Variants in OPCML observed in about 807,000 individuals in gnomAD.
The protein encoded by OPCML is opioid-binding protein/cell adhesion molecule.
OPCML carries 13 observed loss-of-function variants against 37.8 expected under a neutral mutation model. The observed-to-expected ratio is 0.34, with a 90% CI of 0.22 to 0.55. The LOEUF (loss-of-function observed/expected upper bound fraction) is 0.55, where lower values mean the gene tolerates loss of function less well. OPCML is among the 20% of genes least tolerant of loss of function. OPCML has a pLI of 0.91. For synonymous variants in OPCML, 176 were observed against 168.8 expected, an observed-to-expected ratio of 1.04 and a Z score of -0.33; for missense variants, 341 against 435.6, an observed-to-expected ratio of 0.78 and a Z score of 1.93.
chr11:132,513,412 TG>T (rs2096273142), intron 4 of OPCML, among the ~76,000 whole-genome samples: 4 of 152,188 alleles, frequency 2.6e-5, no homozygotes. Flanking sequence ...ATACAGATTT[TG>T]CTTACATTAA....
Position 133,334,555 on chromosome 11 carries a change from C to T in OPCML, c.61+197709G>A, listed in dbSNP as rs35764919. Among the ~76,000 whole-genome samples, 229 of 152,302 alleles carry T rather than the reference C, an allele frequency of 1.5e-3. 1 individual carries two copies. The highest frequency in any genetic ancestry group is 5.2e-3 in the African/African-American group (216 of 41,564). ...GATAACTATTGGGTACTGAGCTTAA[C>T]ACCTGGGTGATGTAATAATATGTAC... is the stretch of plus-strand genomic sequence containing the variant. On this transcript the variant is annotated intron_variant, in intron 1 of 7. Transcript: ENST00000524381.
chr11:133,252,384 A>G (rs928343917), intron 1 of OPCML, among the ~76,000 whole-genome samples: 33 of 152,162 alleles, frequency 2.2e-4, no homozygotes, highest in South Asian at 1.7e-3. Context: ...GCAAAATCAC[A>G]TTTTCCTCCC....
At chr11:133,450,023 A>T (rs1163109159) in intron 1 of OPCML, among the ~76,000 whole-genome samples, 3 of 151,736 alleles carry the variant, frequency 2.0e-5, no homozygotes, top group African/African-American at 7.3e-5. Flanking sequence ...AAATAGGCAC[A>T]GGCACATATC....
At chr11:133,099,442 C>CTTT (rs35161811) in intron 1 of OPCML, among the ~76,000 whole-genome samples, 6 of 119,484 alleles carry the variant, frequency 5.0e-5, no homozygotes, top group Non-Finnish European at 5.1e-5. Flanking sequence ...TTCTTTTTTT[C>CTTT]TTTTTTTTTT....
chr11:132,835,653 T>C (rs1373604740), intron 2 of OPCML, among the ~76,000 whole-genome samples: 3 of 152,228 alleles, frequency 2.0e-5, no homozygotes, highest in African/African-American at 4.8e-5. Context: ...TTTTACTTAT[T>C]TGTGAATCCC....
At position 133,230,187 on chromosome 11, in the gene OPCML, G is replaced by A. The variant is rs147784770; in HGVS notation, c.62-287177C>T. ...ATACTTGTTGAATGAATGAAGAACT[G>A]AATACATTTTCGCATTTGTGTGGAA... is the stretch of plus-strand genomic sequence containing the variant. On this transcript the variant is annotated intron_variant, in intron 1 of 7. Coordinates refer to ENST00000524381, the MANE Select transcript of OPCML (RefSeq NM_001012393.5). Among the ~76,000 whole-genome samples the A allele has an allele frequency of 9.7e-4, 147 of 152,282 alleles. No homozygotes were observed. In the East Asian group the frequency reaches 0.026, roughly 27 times the overall value.
chr11:132,684,252 A>C (rs1943074426), intron 2 of OPCML, among the ~76,000 whole-genome samples: 1 of 152,202 alleles, frequency 6.6e-6, no homozygotes, highest in African/African-American at 2.4e-5. Flanking sequence ...TATGCTAGAC[A>C]CTGTATTCAG....
intron 3 of OPCML, among the ~76,000 whole-genome samples, chr11:132,539,077 G>T (rs1399699376): frequency 6.6e-6 from 1 of 152,168 alleles, no homozygotes; most frequent in Non-Finnish European, 1.5e-5. Context: ...TGAGCCAGAC[G>T]TTACATTGGA....
At chr11:132,459,035 C>A (rs1057443279) in intron 4 of OPCML, among the ~76,000 whole-genome samples, 7 of 152,176 alleles carry the variant, frequency 4.6e-5, no homozygotes, top group Non-Finnish European at 5.9e-5. Flanking sequence ...GTACTCTGTT[C>A]CATTAAAATT....
At position 133,419,188 on chromosome 11, in the gene OPCML, C is replaced by T. The variant is rs994519357; in HGVS notation, c.61+113076G>A. On this transcript the variant is annotated intron_variant, in intron 1 of 7. Transcript: ENST00000524381. Reference sequence around the variant, plus strand: ...CAATAGCACAGTCTCAGTAAGTTGGCTTTTTCTGTGCAACGGGCCAGGAGA... The same window carrying T: ...CAATAGCACAGTCTCAGTAAGTTGGTTTTTTCTGTGCAACGGGCCAGGAGA... 4 of 968,322 alleles carry T rather than the reference C, an allele frequency of 4.1e-6. No homozygotes were observed. The East Asian group carries it at 3.4e-4, about 83-fold the overall frequency. 60.0% of individuals were successfully genotyped at this position (968,322 alleles called of 1,614,324 possible).
chr11:132,540,571 G>A (rs552342756), intron 3 of OPCML, among the ~76,000 whole-genome samples: 5 of 152,166 alleles, frequency 3.3e-5, no homozygotes, highest in Admixed American at 1.3e-4. Context: ...ATGTCCTGGT[G>A]TGATATGGTT....
At position 133,532,333 on chromosome 11, in the gene OPCML, T is replaced by C; in HGVS notation, c.-9A>G. On this transcript the variant is annotated 5_prime_UTR_variant, in exon 1 of 8. Coordinates refer to ENST00000524381, the MANE Select transcript of OPCML (RefSeq NM_001012393.5). ...TAGGCAGGATGGTACATCTCGACGC[T>C]GCGGTGCTCTCAGCTGCCGGGCTTG... The C allele has an allele frequency of 1.2e-6, 2 of 1,612,888 alleles. No homozygotes were observed. Among genetic ancestry groups the C allele is most frequent in the Non-Finnish European group, 8.5e-7 (1 of 1,179,528 alleles).
chr11:132,935,039 T>C (rs1448494571), intron 2 of OPCML, among the ~76,000 whole-genome samples: 3 of 151,518 alleles, frequency 2.0e-5, no homozygotes, highest in Non-Finnish European at 2.9e-5. Flanking sequence ...CTCAGGAGGC[T>C]GAGGCAGGAG....
chr11:133,116,806 A>T (rs1451564367), intron 1 of OPCML, among the ~76,000 whole-genome samples: 1 of 135,706 alleles, frequency 7.4e-6, no homozygotes, highest in East Asian at 2.3e-4. Flanking sequence ...AAAACTATAC[A>T]TATATATATA....
chr11:132,551,465 T>C (rs2096381540), intron 3 of OPCML, among the ~76,000 whole-genome samples: 1 of 152,206 alleles, frequency 6.6e-6, no homozygotes. Flanking sequence ...ACTGCCTTTG[T>C]AGTACTAACA....
chr11:133,431,529 G>A (rs928006824), intron 1 of OPCML, among the ~76,000 whole-genome samples: 3 of 152,044 alleles, frequency 2.0e-5, no homozygotes, highest in African/African-American at 7.2e-5. Flanking sequence ...GCAATAGCGT[G>A]ATCTCAGCTC....
At chr11:132,496,556 C>G (rs2096231846) in intron 4 of OPCML, among the ~76,000 whole-genome samples, 1 of 152,236 alleles carries the variant, frequency 6.6e-6, no homozygotes, top group Admixed American at 6.5e-5. Context: ...TGGGCTTGGT[C>G]AGTCATGCAT....
chr11:133,474,988 A>T (rs1463717860), intron 1 of OPCML, among the ~76,000 whole-genome samples: 1 of 152,062 alleles, frequency 6.6e-6, no homozygotes, highest in Non-Finnish European at 1.5e-5. Flanking sequence ...CAGTGCAGGC[A>T]CCTACCACGG....
chr11:132,915,314 G>C (rs1342213594), intron 2 of OPCML, among the ~76,000 whole-genome samples: 10 of 152,166 alleles, frequency 6.6e-5, no homozygotes, highest in South Asian at 4.1e-4. Context: ...TCCCGGTGAG[G>C]CATGCACATT....
Sources: allele counts gnomAD v4.1 joint callset (sites outside exome capture counted in the v4.1 genomes callset), GRCh38; gene constraint gnomAD v4.1.1; transcripts MANE v1.5; gene names NCBI Gene and HGNC (gene_info 2026-07-23, HGNC 2026-07-21).